Variants in MBD5 observed in about 807,000 individuals in gnomAD.
MBD5 encodes methyl-CpG-binding domain protein 5.
In MBD5, 13 loss-of-function variants were observed where a neutral mutation model predicts 117.3. That is an observed-to-expected ratio of 0.11 (90% CI 0.07 to 0.18). The LOEUF (loss-of-function observed/expected upper bound fraction) is 0.18. Ranked by LOEUF, MBD5 falls within the 10% of genes least tolerant of loss-of-function variation. The pLI is 1.00. For missense variants in MBD5, 1,879 were observed against 2,093.8 expected (o/e 0.90, Z 2.00); for synonymous variants, 727 against 766.4 (o/e 0.95, Z 0.85).
At chr2:148,222,297 A>G (rs1699708279) in intron 2 of MBD5, among the ~76,000 whole-genome samples, 1 of 151,926 alleles carries the variant, frequency 6.6e-6, no homozygotes, top group Non-Finnish European at 1.5e-5. Flanking sequence ...TGTTTGAAGA[A>G]TGTCATTGGT....
chr2:148,189,107 C>T (rs1417616852), intron 2 of MBD5, among the ~76,000 whole-genome samples: 3 of 144,398 alleles, frequency 2.1e-5, no homozygotes, highest in Admixed American at 1.4e-4. Flanking sequence ...GAGGGTCCTA[C>T]GCCCACGGAA....
intron 2 of MBD5, among the ~76,000 whole-genome samples, chr2:148,229,993 A>G (rs894034712): frequency 6.6e-6 from 1 of 152,196 alleles, no homozygotes; most frequent in African/African-American, 2.4e-5. Context: ...GTACTAGGCC[A>G]GACCTGAAGC....
intron 1 of MBD5, among the ~76,000 whole-genome samples, chr2:148,029,014 T>A (rs904668329): frequency 6.6e-6 from 1 of 152,108 alleles, no homozygotes; most frequent in Non-Finnish European, 1.5e-5. Context: ...GAGCCAGACA[T>A]CTAACTGTTT....
At chr2:148,328,713 G>A (rs978046650) in intron 3 of MBD5, among the ~76,000 whole-genome samples, 7 of 152,296 alleles carry the variant, frequency 4.6e-5, no homozygotes, top group East Asian at 3.9e-4. Context: ...CACATGGTGC[G>A]TGCACCCACT....
intron 1 of MBD5, among the ~76,000 whole-genome samples, chr2:148,077,908 G>A (rs1400751493): frequency 1.3e-5 from 2 of 152,100 alleles, no homozygotes; most frequent in Non-Finnish European, 2.9e-5. Flanking sequence ...AGAGTTGGGA[G>A]ACTCGATAGA....
intron 4 of MBD5, among the ~76,000 whole-genome samples, chr2:148,362,019 A>G (rs1703552247): frequency 6.6e-6 from 1 of 152,154 alleles, no homozygotes; most frequent in African/African-American, 2.4e-5. Flanking sequence ...TCGGGTGCCT[A>G]CACCACCAGG....
At position 148,508,813 on chromosome 2, in the gene MBD5, C is replaced by G. The variant is rs75407584; in HGVS notation, c.5037-1247C>G. On this transcript the variant is annotated intron_variant, in intron 12 of 13. Transcript: ENST00000642680. ...ATAGGACCATCTGGGCCACCTTTGA[C>G]AAATATTTTTATTTAGCAAATACAT... is the stretch of plus-strand genomic sequence containing the variant. Among the ~76,000 whole-genome samples the G allele has an allele frequency of 1.0e-2, 1,517 of 152,142 alleles. 31 individuals carry two copies. Among genetic ancestry groups the G allele is most frequent in the African/African-American group, 0.034 (1,393 of 41,484 alleles).
intron 3 of MBD5, among the ~76,000 whole-genome samples, chr2:148,335,739 A>AAAT (rs1702770446): frequency 6.6e-6 from 1 of 151,834 alleles, no homozygotes; most frequent in African/African-American, 2.4e-5. Context: ...AATAATAATA[A>AAAT]AATAATAATA....
rs772321704 is a variant in MBD5 at position 148,469,746 on chromosome 2, C to T, written c.1803C>T (p.Ser601=). The change falls in exon 8 of 14, where the codon AGC becomes AGT. Residue 601 remains serine, a synonymous_variant. Coordinates refer to ENST00000642680, the MANE Select transcript of MBD5 (RefSeq NM_001378120.1). ...AACTTGCTGGTAACAACAGTAGCAG[C>T]AGTAGCAATTCTGGAGCTGTTGCCG... is the stretch of plus-strand genomic sequence containing the variant. The part of the protein sequence containing the change: ...QNKLAGNNSS[S]SSNSGAVAGS... 8 of 1,613,980 alleles carry T rather than the reference C, an allele frequency of 5.0e-6. No homozygotes were observed. The South Asian group carries it at 8.8e-5, about 18-fold the overall frequency.
In MBD5 at chr2:148,279,078, ATGCCAGTC is replaced by A. The variant is rs78965379; in HGVS notation, c.-680+45685_-680+45692del. On this transcript the variant is annotated intron_variant, in intron 3 of 13. Coordinates refer to ENST00000642680, the MANE Select transcript of MBD5 (RefSeq NM_001378120.1). The stretch of plus-strand genomic sequence containing the variant: ...TTTTCCATTCATTCCACCAACTCAC[ATGCCAGTC>A]TCCTCTGGGAACACCATCACAAACA... Among the ~76,000 whole-genome samples, 9 of 152,216 alleles carry A rather than the reference ATGCCAGTC, an allele frequency of 5.9e-5. No homozygotes were observed. In the East Asian group the frequency reaches 9.7e-4, roughly 16 times the overall value.
At chr2:148,497,786 TAA>T (rs35423029) in intron 11 of MBD5, among the ~76,000 whole-genome samples, 39 of 124,368 alleles carry the variant, frequency 3.1e-4, no homozygotes, top group African/African-American at 5.7e-4. Flanking sequence ...ACCTTGTCTC[TAA>T]AAAAAAAAAA....
intron 11 of MBD5, among the ~76,000 whole-genome samples, chr2:148,498,045 C>G (rs1380679211): frequency 6.6e-6 from 1 of 152,152 alleles, no homozygotes; most frequent in Non-Finnish European, 1.5e-5. Flanking sequence ...GGTCGCAACC[C>G]TGGTCTTCTA....
chr2:148,259,014 T>G (rs930228226), intron 3 of MBD5, among the ~76,000 whole-genome samples: 5 of 152,264 alleles, frequency 3.3e-5, no homozygotes, highest in Admixed American at 6.5e-5. Flanking sequence ...ACGAGACTCC[T>G]CATGTGGGAG....
Position 148,468,681 on chromosome 2 carries a change from T to C in MBD5, c.738T>C (p.Ser246=). ...CTCCAAGGACTGACCCACTTGGAAG[T>C]CCTGATGTTTTCACAAGAAGTAATC... The part of the protein sequence containing the change: ...SISPRTDPLG[S]PDVFTRSNPG... The change falls in exon 8 of 14, where the codon AGT becomes AGC. Residue 246 remains serine (S), a synonymous_variant. Transcript: ENST00000642680. 1 of 1,613,876 alleles carries C rather than the reference T, an allele frequency of 6.2e-7. No individual in the cohort carries two copies. The highest frequency in any genetic ancestry group is 1.3e-5 in the African/African-American group (1 of 75,002).
At chr2:148,485,478 T>C (rs1681306714) in intron 9 of MBD5, 1 of 433,120 alleles carries the variant, frequency 2.3e-6, no homozygotes, top group African/African-American at 2.0e-5. Flanking sequence ...CAGCTCAATA[T>C]ATAAGGACTG....
At chr2:148,382,076 T>A (rs1373399422) in intron 4 of MBD5, among the ~76,000 whole-genome samples, 2 of 152,054 alleles carry the variant, frequency 1.3e-5, no homozygotes, top group Non-Finnish European at 2.9e-5. Context: ...CCAGCTAACA[T>A]CATAATGACA....
chr2:148,227,210 T>A (rs1574161215), intron 2 of MBD5, among the ~76,000 whole-genome samples: 2 of 152,324 alleles, frequency 1.3e-5, no homozygotes, highest in South Asian at 2.1e-4. Context: ...CTGAATGGTA[T>A]TGCCTAGGTT....
intron 3 of MBD5, among the ~76,000 whole-genome samples, chr2:148,274,380 C>G (rs954763323): frequency 6.6e-6 from 1 of 151,270 alleles, no homozygotes; most frequent in East Asian, 1.9e-4. Flanking sequence ...CCCTCCCCAG[C>G]CCCCCACCCC....
intron 4 of MBD5, among the ~76,000 whole-genome samples, chr2:148,417,177 C>T (rs1705445646): frequency 6.6e-6 from 1 of 152,026 alleles, no homozygotes; most frequent in African/African-American, 2.4e-5. Flanking sequence ...GGCTGGAGTG[C>T]AGTGGTGTGA....
Sources: gnomAD v4.1 joint callset for allele counts (sites outside exome capture counted in the v4.1 genomes callset) on GRCh38, gnomAD v4.1.1 for gene constraint, MANE v1.5 for transcripts, NCBI Gene and HGNC (gene_info 2026-07-23, HGNC 2026-07-21) for gene names.